Variants in ADAMTS18 observed in about 807,000 individuals in gnomAD.
ADAMTS18 encodes the protein ADAM metallopeptidase with thrombospondin type 1 motif 18, also known as A disintegrin and metalloproteinase with thrombospondin motifs 18.
In ADAMTS18, 157 loss-of-function variants were observed where a neutral mutation model predicts 165.9. That is an observed-to-expected ratio of 0.95 (90% CI 0.83 to 1.08). The LOEUF is 1.08. Among genes scored for constraint, ADAMTS18 ranks in the 50% least tolerant of loss-of-function variants. ADAMTS18 has a pLI of 0.00. For synonymous variants in ADAMTS18, 782 were observed against 578.2 expected (o/e 1.35, Z -5.06); for missense variants, 2,040 against 1,534.0 (o/e 1.33, Z -5.51).
intron 10 of ADAMTS18, among the ~76,000 whole-genome samples, chr16:77,349,028 T>C (rs1277028157): frequency 6.6e-6 from 1 of 152,172 alleles, no homozygotes; most frequent in Non-Finnish European, 1.5e-5. Context: ...GGAAAGTTAA[T>C]AGAAGTTAAA....
chr16:77,363,242 C>A (rs1196037134), intron 6 of ADAMTS18, among the ~76,000 whole-genome samples: 1 of 152,134 alleles, frequency 6.6e-6, no homozygotes, highest in East Asian at 1.9e-4. Context: ...ATGTTTGTGT[C>A]TTGCATCTTA....
At chr16:77,429,284 A>T (rs906284530) in intron 3 of ADAMTS18, among the ~76,000 whole-genome samples, 2 of 152,232 alleles carry the variant, frequency 1.3e-5, no homozygotes, top group Non-Finnish European at 2.9e-5. Context: ...GGTCTTTTGC[A>T]GGAACGTGGA....
At chr16:77,294,859 A>C in intron 19 of ADAMTS18, 64 bp downstream of exon 19, 1 of 1,512,332 alleles carries the variant, frequency 6.6e-7, no homozygotes, top group Non-Finnish European at 9.1e-7. Context: ...TGGAGAGCAA[A>C]GACACCTCTA....
Position 77,364,095 on chromosome 16 carries a change from G to A in ADAMTS18, c.972+93C>T, listed in dbSNP as rs570992965. On this transcript the variant is annotated intron_variant, in intron 5 of 22. Coordinates refer to ENST00000282849, the MANE Select transcript of ADAMTS18 (RefSeq NM_199355.4). ...CAGAAACTGCAATTACATTTGCACC[G>A]ACCTAATACACCTGCTATTCAACCC... The A allele has an allele frequency of 2.3e-5, 35 of 1,512,874 alleles. 2 individuals carry two copies. The highest frequency in any genetic ancestry group is 3.4e-5 in the South Asian group (3 of 88,496). The allele number at this position is 1,512,874 out of a possible 1,614,324, so 93.7% of individuals were successfully genotyped here. A position where few individuals can be genotyped will look rare whatever the true frequency, so the allele number is the denominator to read the frequency against.
chr16:77,354,487 A>G (rs1464566566), intron 9 of ADAMTS18, among the ~76,000 whole-genome samples: 1 of 152,150 alleles, frequency 6.6e-6, no homozygotes, highest in African/African-American at 2.4e-5. Flanking sequence ...TGTTGAGAGC[A>G]AAAATCAGTC....
chr16:77,406,188 C>T (rs2057391242), intron 3 of ADAMTS18, among the ~76,000 whole-genome samples: 1 of 152,008 alleles, frequency 6.6e-6, no homozygotes, highest in Non-Finnish European at 1.5e-5. Context: ...AAGTTTTATA[C>T]CAGAAAGCCA....
intron 3 of ADAMTS18, among the ~76,000 whole-genome samples, chr16:77,372,201 G>T (rs967404418): frequency 6.6e-6 from 1 of 152,074 alleles, no homozygotes; most frequent in South Asian, 2.1e-4. Flanking sequence ...TATGGAAAAT[G>T]GTATGAAGGA....
intron 3 of ADAMTS18, among the ~76,000 whole-genome samples, chr16:77,381,286 G>C (rs1398794157): frequency 2.0e-5 from 3 of 150,504 alleles, no homozygotes; most frequent in Non-Finnish European, 4.4e-5. Context: ...ATTCAGGAAA[G>C]GTTCCAGAGA....
chr16:77,335,914 G>C lies in ADAMTS18; in HGVS notation c.1711-10C>G, dbSNP rs372315599. 3 of 1,614,166 alleles carry C rather than the reference G, an allele frequency of 1.9e-6. No homozygotes were observed. Among genetic ancestry groups the C allele is most frequent in the East Asian group, 4.5e-5 (2 of 44,882 alleles). On this transcript the variant is annotated splice_polypyrimidine_tract_variant and intron_variant, in intron 11 of 22. Transcript: ENST00000282849. ...GGCCTTGCCGACACCACTGTGAAAAGAACGTGTAAGATGGTTCCCGTCAGA... is the reference window on the plus strand; with the variant it reads ...GGCCTTGCCGACACCACTGTGAAAACAACGTGTAAGATGGTTCCCGTCAGA...
chr16:77,409,593 C>T (rs940243881), intron 3 of ADAMTS18, among the ~76,000 whole-genome samples: 8 of 152,258 alleles, frequency 5.3e-5, no homozygotes, highest in South Asian at 2.1e-4. Context: ...GTGCTCTGTT[C>T]GGGGCTTGAT....
At chr16:77,423,487 T>C (rs914071234) in intron 3 of ADAMTS18, among the ~76,000 whole-genome samples, 6 of 152,164 alleles carry the variant, frequency 3.9e-5, no homozygotes, top group African/African-American at 7.2e-5. Context: ...ACTATGCACA[T>C]AGAATATTTT....
Position 77,304,156 on chromosome 16 carries a change from GTGA to G in ADAMTS18, c.2533-3755_2533-3753del, listed in dbSNP as rs564615695. On this transcript the variant is annotated intron_variant, in intron 16 of 22. Transcript: ENST00000282849. ...TATCACTTATTAATAACAAATCTCG[GTGA>G]TGATTATAGCGAAGAAGACACAAAG... 9.7e-4 allele frequency among the ~76,000 whole-genome samples: 147 copies of G among 152,314 alleles called. 2 individuals carry two copies. The highest frequency in any genetic ancestry group is 3.4e-3 in the African/African-American group (140 of 41,568).
chr16:77,294,927 G>C lies in ADAMTS18; in HGVS notation c.3002C>G (p.Ser1001Cys), dbSNP rs144455612. ...CPPQWSLGPW[S>C]QCSKTCGRGV... ...TCCCAAGTTTTCTCCTGTTACCTGAGACCAGGGTCCAAGGCTCCATTGTGG... is the reference window on the plus strand; with the variant it reads ...TCCCAAGTTTTCTCCTGTTACCTGACACCAGGGTCCAAGGCTCCATTGTGG... The change falls in exon 19 of 23, where the codon TCT becomes TGT. Residue 1001 changes from serine (S) to cysteine (C), a missense_variant. Ser to Cys is a moderately radical substitution (Grantham distance 112). Coordinates refer to ENST00000282849, the MANE Select transcript of ADAMTS18 (RefSeq NM_199355.4). The C allele has an allele frequency of 2.5e-6, 4 of 1,614,014 alleles. No homozygotes were observed. The highest frequency in any genetic ancestry group is 2.7e-5 in the African/African-American group (2 of 74,928).
intron 3 of ADAMTS18, among the ~76,000 whole-genome samples, chr16:77,380,428 T>C (rs943285638): frequency 2.0e-5 from 3 of 152,182 alleles, no homozygotes; most frequent in Admixed American, 2.0e-4. Context: ...GAATACAGCG[T>C]CATGGCTGTA....
chr16:77,320,016 G>A lies in ADAMTS18; in HGVS notation c.2365C>T (p.Leu789Phe). The A allele has an allele frequency of 5.0e-6, 8 of 1,614,156 alleles. No homozygotes were observed. The highest frequency in any genetic ancestry group is 6.8e-6 in the Non-Finnish European group (8 of 1,180,010). The change falls in exon 16 of 23, where the codon CTC becomes TTC. Residue 789 changes from leucine to phenylalanine, a missense_variant. Transcript: ENST00000282849. ...IQELQVSSSY[L>F]AVRSLSQKYY... ...TTTTGACTGAGGCTTCGAACTGCGAGGTAACTGGAGGAAACCTGCAGCTCC... is the reference window on the plus strand; with the variant it reads ...TTTTGACTGAGGCTTCGAACTGCGAAGTAACTGGAGGAAACCTGCAGCTCC...
chr16:77,396,606 G>C (rs1791499009), intron 3 of ADAMTS18, among the ~76,000 whole-genome samples: 1 of 152,150 alleles, frequency 6.6e-6, no homozygotes, highest in South Asian at 2.1e-4. Flanking sequence ...CTGGTCAAGA[G>C]AAAACCTGCA....
intron 7 of ADAMTS18, among the ~76,000 whole-genome samples, chr16:77,360,764 A>T (rs1397542243): frequency 6.6e-6 from 1 of 152,222 alleles, no homozygotes; most frequent in Non-Finnish European, 1.5e-5. Flanking sequence ...CATAACAGAG[A>T]AACTGCAGAG....
chr16:77,339,414 T>C (rs749320522), intron 11 of ADAMTS18, among the ~76,000 whole-genome samples: 15 of 152,236 alleles, frequency 9.9e-5, no homozygotes, highest in Non-Finnish European at 2.1e-4. Context: ...TCTGACTTTA[T>C]TTATCTCGTG....
intron 22 of ADAMTS18, among the ~76,000 whole-genome samples, chr16:77,289,040 T>G (rs1477923432): frequency 6.6e-6 from 1 of 152,142 alleles, no homozygotes; most frequent in South Asian, 2.1e-4. Context: ...AGCTGTGTAC[T>G]CCCACCTGCA....
Sources: gnomAD v4.1 joint callset for allele counts (sites outside exome capture counted in the v4.1 genomes callset) on GRCh38, gnomAD v4.1.1 for gene constraint, MANE v1.5 for transcripts, NCBI Gene and HGNC (gene_info 2026-07-23, HGNC 2026-07-21) for gene names.